CASKIN2: variants seen among roughly 807,000 people sequenced by gnomAD.
CASKIN2 encodes CASK interacting protein 2, also known as caskin-2.
Under a neutral mutation model 107.1 loss-of-function variants are expected in CASKIN2, and 41 were observed. The ratio of observed to expected loss-of-function variants is 0.38; its 90% confidence interval spans 0.30 to 0.50. CASKIN2 has a LOEUF of 0.50. Ranked by LOEUF, CASKIN2 falls within the 20% of genes least tolerant of loss-of-function variation. The pLI, the probability that CASKIN2 is intolerant of heterozygous loss-of-function variation, is 0.92. For missense variants in CASKIN2, 1,546 were observed against 1,657.4 expected, an observed-to-expected ratio of 0.93 and a Z score of 1.17; for synonymous variants, 724 against 705.6, an observed-to-expected ratio of 1.03 and a Z score of -0.41.
Position 75,505,709 on chromosome 17 carries a change from C to T in CASKIN2, c.836-58G>A, listed in dbSNP as rs2053257749. The T allele has an allele frequency of 5.8e-6, 9 of 1,556,678 alleles. No homozygotes were observed. Among genetic ancestry groups the T allele is most frequent in the African/African-American group, 1.4e-5 (1 of 73,670 alleles). On this transcript the variant is annotated intron_variant, in intron 9 of 19. Coordinates refer to ENST00000321617, the MANE Select transcript of CASKIN2 (RefSeq NM_020753.5). The surrounding 1 kb of genome is among the most constrained non-coding windows in gnomAD (Gnocchi z 5.1). The stretch of plus-strand genomic sequence containing the variant: ...TAAGGGTCCTTAGGGCATCTTCCCA[C>T]CCCTCATGCCCTTGACAACCCTCCC...
At position 75,505,139 on chromosome 17, in the gene CASKIN2, C is replaced by T; in HGVS notation, c.931-66G>A. 2.6e-6 allele frequency: 4 copies of T among 1,555,036 alleles called. No individual in the cohort carries two copies. The highest frequency in any genetic ancestry group is 3.5e-6 in the Non-Finnish European group (4 of 1,141,338). On this transcript the variant is annotated intron_variant, in intron 10 of 19. Transcript: ENST00000321617. This position sits in a 1 kb window ranked among gnomAD's most constrained non-coding sequence, Gnocchi z 5.1. ...ACCAGGCAAGTGGCAAACGGTTGTC[C>T]CTGCAGCTGCGGTCCGGCAACCCTG...
Position 75,505,936 on chromosome 17 carries a change from GCA to G in CASKIN2, c.727-9_727-8del, listed in dbSNP as rs1422807973. On this transcript the variant is annotated splice_polypyrimidine_tract_variant and splice_region_variant and intron_variant, in intron 8 of 19. Coordinates refer to ENST00000321617, the MANE Select transcript of CASKIN2 (RefSeq NM_020753.5). The surrounding 1 kb of genome is among the most constrained non-coding windows in gnomAD (Gnocchi z 5.1). ...TGTTCACGTCCACACCTCCCTGGGT[GCA>G]CAGTGTCACATGAGCACACGCTAAG... The G allele has an allele frequency of 3.7e-6, 6 of 1,611,928 alleles. No individual in the cohort carries two copies. The highest frequency in any genetic ancestry group is 5.1e-6 in the Non-Finnish European group (6 of 1,178,948).
intron 3 of CASKIN2, 47 bp from the exon 4 acceptor site, chr17:75,507,728 A>C (rs1171382334): frequency 1.4e-6 from 2 of 1,442,878 alleles, no homozygotes; most frequent in African/African-American, 1.4e-5. Flanking sequence ...GGCAGCCCCC[A>C]CCCCCAAATC....
intron 1 of CASKIN2, chr17:75,515,177 A>AC (rs2053347178): frequency 6.7e-6 from 1 of 150,062 alleles, no homozygotes; most frequent in African/African-American, 2.5e-5. Context: ...GCGCCTCGCA[A>AC]CCCCCCAGCC....
At chr17:75,512,912 C>A (rs1356127382) in intron 2 of CASKIN2, among the ~76,000 whole-genome samples, 1 of 138,244 alleles carries the variant, frequency 7.2e-6, no homozygotes, top group Non-Finnish European at 1.6e-5. Context: ...AAAAAAAAAA[C>A]AGCTATCTTA....
chr17:75,509,547 C>T (rs966880482), intron 2 of CASKIN2: 23 of 984,688 alleles, frequency 2.3e-5, no homozygotes, highest in Non-Finnish European at 2.8e-5. Context: ...AGGGACAAAG[C>T]GCTAAAGGGG....
rs369104200 is a variant in CASKIN2, at chr17:75,502,422, C to T, written c.2652G>A (p.Pro884=). 43 of 1,387,724 alleles carry T rather than the reference C, an allele frequency of 3.1e-5. No homozygotes were observed. Among genetic ancestry groups the T allele is most frequent in the Middle Eastern group, 2.1e-4 (1 of 4,718 alleles). The allele number at this position is 1,387,724 out of a possible 1,614,324, so 86.0% of individuals were successfully genotyped here. A position where few individuals can be genotyped will look rare whatever the true frequency, so the allele number is the denominator to read the frequency against. ...KRLSSVSGPS[P]EPPPLDESPG... is the part of the protein sequence containing the mutation. ...GGCTCTCATCTAGTGGAGGTGGCTC[C>T]GGGCTGGGGCCAGAGACGGAGCTGA... Residue 884 remains proline (P), a synonymous_variant, in exon 18 of 20, where the codon CCG becomes CCA. Transcript: ENST00000321617. This position sits in a 1 kb window ranked among gnomAD's most constrained non-coding sequence, Gnocchi z 4.3.
chr17:75,502,171 C>A lies in CASKIN2; in HGVS notation c.2903G>T (p.Gly968Val). 1 of 1,599,020 alleles carries A rather than the reference C, an allele frequency of 6.3e-7. No homozygotes were observed. The change falls in exon 18 of 20, where the codon GGC becomes GTC. Residue 968 changes from glycine to valine, a missense_variant. Coordinates refer to ENST00000321617, the MANE Select transcript of CASKIN2 (RefSeq NM_020753.5). The surrounding 1 kb of genome is among the most constrained non-coding windows in gnomAD (Gnocchi z 4.3). ...LTIKQRPKPA[G>V]PPPRETPVPP... ...CACGGGTGTCTCTCGGGGCGGGGGG[C>A]CAGCGGGCTTCGGGCGCTGTTTGAT...
At position 75,500,732 on chromosome 17, in the gene CASKIN2, G is replaced by A. The variant is rs568513848; in HGVS notation, c.*348C>T. ...TGGCACAACTTGGGACATGGGCTGG[G>A]GGGTACAGAGAAAGCACCCCCAAAG... On this transcript the variant is annotated 3_prime_UTR_variant, in exon 20 of 20. Coordinates refer to ENST00000321617, the MANE Select transcript of CASKIN2 (RefSeq NM_020753.5). The A allele has an allele frequency of 2.0e-5, 6 of 306,568 alleles. No homozygotes were observed. Among genetic ancestry groups the A allele is most frequent in the Non-Finnish European group, 3.8e-5 (6 of 159,020 alleles). 19.0% of individuals were successfully genotyped at this position (306,568 alleles called of 1,614,324 possible).
At chr17:75,509,631 C>G in intron 2 of CASKIN2, 3 of 985,568 alleles carry the variant, frequency 3.0e-6, no homozygotes, top group Non-Finnish European at 2.4e-6. Flanking sequence ...CATACAGAAC[C>G]ATTTGAGGCA....
chr17:75,505,980 A>G lies in CASKIN2; in HGVS notation c.727-51T>C. 1.3e-6 allele frequency: 2 copies of G among 1,497,924 alleles called. No individual in the cohort carries two copies. The highest frequency in any genetic ancestry group is 2.3e-5 in the South Asian group (2 of 87,376). The allele number at this position is 1,497,924 out of a possible 1,614,324, so 92.8% of individuals were successfully genotyped here. The stretch of plus-strand genomic sequence containing the variant: ...CACGCTAAGCACTTTGACACCCCTC[A>G]CCCGATTCTCTCAGCTACCCGGGAC... On this transcript the variant is annotated intron_variant, in intron 8 of 19. Transcript: ENST00000321617. This position sits in a 1 kb window ranked among gnomAD's most constrained non-coding sequence, Gnocchi z 5.1.
At position 75,503,090 on chromosome 17, in the gene CASKIN2, G is replaced by T; in HGVS notation, c.1984C>A (p.Pro662Thr). 7 of 1,607,512 alleles carry T rather than the reference G, an allele frequency of 4.4e-6. No homozygotes were observed. Among genetic ancestry groups the T allele is most frequent in the Non-Finnish European group, 5.9e-6 (7 of 1,178,666 alleles). Residue 662 changes from proline (P) to threonine (T), a missense_variant, in exon 18 of 20, where the codon CCA becomes ACA. Around this residue, in one of 6 missense-constraint regions of CASKIN2, gnomAD observed 1,311 missense variants for 1,311.0 expected, o/e 1.00. Coordinates refer to ENST00000321617, the MANE Select transcript of CASKIN2 (RefSeq NM_020753.5). ...ENGEGPATAG[P>T]RLLTFQGSEL... is the part of the protein sequence containing the mutation. ...CTGCCCTGGAAGGTGAGGAGCCGTGGGCCAGCTGTAGCTGGGCCTTCTCCG... is the reference window on the plus strand; with the variant it reads ...CTGCCCTGGAAGGTGAGGAGCCGTGTGCCAGCTGTAGCTGGGCCTTCTCCG...
rs1474723063 is a variant in CASKIN2, at chr17:75,513,920, G to A, written c.-116C>T. 29 of 888,190 alleles carry A rather than the reference G, an allele frequency of 3.3e-5. No homozygotes were observed. The East Asian group carries it at 7.2e-4, about 22-fold the overall frequency. 55.0% of individuals were successfully genotyped at this position (888,190 alleles called of 1,614,324 possible). A position where few individuals can be genotyped will look rare whatever the true frequency, so the allele number is the denominator to read the frequency against. On this transcript the variant is annotated 5_prime_UTR_variant, in exon 2 of 20. Coordinates refer to ENST00000321617, the MANE Select transcript of CASKIN2 (RefSeq NM_020753.5). ...CCCCTTGGAGGGCTCCCGGTTCCGG[G>A]GGAGCAAGTCAGGTGTCCCAGGCAG...
In CASKIN2 at chr17:75,504,988, G is replaced by A. The variant is rs370216413; in HGVS notation, c.1016C>T (p.Pro339Leu). Residue 339 changes from proline to leucine, a missense_variant, in exon 11 of 20, where the codon CCG (proline) becomes CTG (leucine). This residue lies in a region of CASKIN2 where 1,311 missense variants were observed against 1,311.0 expected (regional missense o/e 1.00). Transcript: ENST00000321617. ...CTTGCTGACCACCTCGACAATGCCC[G>A]GGGGGAAGTAGCCTATGCGGTCTGT... ...RGTDRIGYFP[P>L]GIVEVVSKRV... is the part of the protein sequence containing the mutation. The A allele has an allele frequency of 3.8e-5, 62 of 1,612,082 alleles. No homozygotes were observed. The highest frequency in any genetic ancestry group is 1.0e-4 in the Admixed American group (6 of 59,976).
Position 75,507,041 on chromosome 17 carries a change from G to A in CASKIN2, c.333C>T (p.Ala111=), listed in dbSNP as rs1286168337. 3 of 1,612,852 alleles carry A rather than the reference G, an allele frequency of 1.9e-6. No individual in the cohort carries two copies. Among genetic ancestry groups the A allele is most frequent in the Non-Finnish European group, 8.5e-7 (1 of 1,179,922 alleles). ...GCAGGGGGATCTGTCCGTCCAGCGAGGCGGCATTGACAGCCGCAGAGGCGC... is the reference window on the plus strand; with the variant it reads ...GCAGGGGGATCTGTCCGTCCAGCGAAGCGGCATTGACAGCCGCAGAGGCGC... The part of the protein sequence containing the change: ...LLRASAAVNA[A]SLDGQIPLHL... Residue 111 remains alanine (A), a synonymous_variant, in exon 5 of 20, where the codon GCC becomes GCT. Coordinates refer to ENST00000321617, the MANE Select transcript of CASKIN2 (RefSeq NM_020753.5).
In CASKIN2 at chr17:75,506,034, A is replaced by C; in HGVS notation, c.727-105T>G. 1.0e-6 allele frequency: 1 copy of C among 994,864 alleles called. No individual in the cohort carries two copies. The highest frequency in any genetic ancestry group is 1.5e-6 in the Non-Finnish European group (1 of 669,668). The allele number at this position is 994,864 out of a possible 1,614,324, so 61.6% of individuals were successfully genotyped here. On this transcript the variant is annotated intron_variant, in intron 8 of 19. Transcript: ENST00000321617. The surrounding 1 kb of genome is among the most constrained non-coding windows in gnomAD (Gnocchi z 4.8). The stretch of plus-strand genomic sequence containing the variant: ...GGTACTATTACCATTTTCCGATTTT[A>C]CAGATGAGGACATAGAGGCTCAGGG...
chr17:75,501,385 C>T, intron 19 of CASKIN2, 83 bp downstream of exon 19: 1 of 1,459,430 alleles, frequency 6.9e-7, no homozygotes, highest in Admixed American at 1.8e-5. Flanking sequence ...CCCCCTCCAA[C>T]ATCCCCATGA....
Position 75,502,518 on chromosome 17 carries a change from C to T in CASKIN2, c.2556G>A (p.Gly852=), listed in dbSNP as rs1039519561. 6.8e-6 allele frequency: 10 copies of T among 1,478,476 alleles called. No homozygotes were observed. The highest frequency in any genetic ancestry group is 4.9e-5 in the Admixed American group (2 of 41,134). The allele number at this position is 1,478,476 out of a possible 1,614,324, so 91.6% of individuals were successfully genotyped here. ...SPSVTPTPAR[G]TPRSQSFALR... ...GGGCAAAGGACTGGCTGCGAGGAGT[C>T]CCCCGAGCTGGGGTTGGGGTCACAC... Residue 852 remains glycine (G), a synonymous_variant, in exon 18 of 20, where the codon GGG becomes GGA. Coordinates refer to ENST00000321617, the MANE Select transcript of CASKIN2 (RefSeq NM_020753.5). This position sits in a 1 kb window ranked among gnomAD's most constrained non-coding sequence, Gnocchi z 4.3.
At position 75,502,854 on chromosome 17, in the gene CASKIN2, A is replaced by T. The variant is rs1223127704; in HGVS notation, c.2220T>A (p.Pro740=). The T allele has an allele frequency of 1.3e-6, 2 of 1,536,448 alleles. No homozygotes were observed. The change falls in exon 18 of 20, where the codon CCT becomes CCA. Residue 740 remains proline (P), a synonymous_variant. Coordinates refer to ENST00000321617, the MANE Select transcript of CASKIN2 (RefSeq NM_020753.5). This position sits in a 1 kb window ranked among gnomAD's most constrained non-coding sequence, Gnocchi z 4.3. Reference sequence around the variant, plus strand: ...GGCCAGGAAGTGAAGAACAAAGCTTAGGGGGCCGCTCTGTGCCCTCTGGGA... The same window carrying T: ...GGCCAGGAAGTGAAGAACAAAGCTTTGGGGGCCGCTCTGTGCCCTCTGGGA... ...RNLPEGTERP[P]KLCSSLPGQG... is the part of the protein sequence containing the mutation.
Sources: allele counts gnomAD v4.1 joint callset (sites outside exome capture counted in the v4.1 genomes callset), GRCh38; gene constraint gnomAD v4.1.1; regional missense constraint gnomAD v4.1.1; non-coding constraint Gnocchi (gnomAD v3.1); transcripts MANE v1.5; gene names NCBI Gene and HGNC (gene_info 2026-07-23, HGNC 2026-07-21).